Variants in EYS observed in about 807,000 individuals in gnomAD.
EYS encodes EGF-like photoreceptor maintenance factor.
EYS carries 250 observed loss-of-function variants against 282.1 expected under a neutral mutation model. The ratio of observed to expected loss-of-function variants is 0.89; its 90% CI spans 0.80 to 0.98. The LOEUF (loss-of-function observed/expected upper bound fraction) is 0.98. Ranked by LOEUF, EYS falls within the 50% of genes least tolerant of loss-of-function variation. EYS has a pLI of 0.00. For missense variants in EYS, 4,016 were observed against 3,709.0 expected (o/e 1.08, Z -2.15); for synonymous variants, 1,355 against 1,282.9 (o/e 1.06, Z -1.20).
chr6:64,868,738 T>C (rs2150052746), intron 19 of EYS, among the ~76,000 whole-genome samples: 1 of 151,666 alleles, frequency 6.6e-6, no homozygotes, highest in African/African-American at 2.4e-5. Context: ...AAACATTTTG[T>C]CATTTCATTA....
chr6:65,309,354 A>T (rs1262203100), intron 11 of EYS, among the ~76,000 whole-genome samples: 3 of 152,198 alleles, frequency 2.0e-5, no homozygotes, highest in African/African-American at 7.2e-5. Flanking sequence ...TTCAAAACCA[A>T]CACTATAGAA....
At chr6:65,314,561 G>GGT (rs4032795) in intron 11 of EYS, among the ~76,000 whole-genome samples, 8,634 of 105,786 alleles carry the variant, frequency 0.082, 328 homozygotes, top group African/African-American at 0.1. Flanking sequence ...TTCCCCTTAT[G>GGT]GTGTGTGTGT....
At chr6:65,175,811 A>G (rs1203269898) in intron 12 of EYS, among the ~76,000 whole-genome samples, 1 of 151,526 alleles carries the variant, frequency 6.6e-6, no homozygotes, top group Middle Eastern at 3.2e-3. Flanking sequence ...AACTGACTCA[A>G]TGAATATACA....
intron 22 of EYS, among the ~76,000 whole-genome samples, chr6:64,753,489 A>G (rs547425050): frequency 2.7e-5 from 4 of 148,468 alleles, no homozygotes; most frequent in African/African-American, 1.0e-4. Flanking sequence ...AATAGGCTTT[A>G]TATCAAAAAA....
At chr6:65,318,593 A>G (rs1396167524) in intron 11 of EYS, among the ~76,000 whole-genome samples, 1 of 147,264 alleles carries the variant, frequency 6.8e-6, no homozygotes, top group Non-Finnish European at 1.5e-5. Context: ...TTTTGTATAT[A>G]TAATTTATAT....
At chr6:64,094,499 G>C (rs559660593) in intron 31 of EYS, among the ~76,000 whole-genome samples, 10 of 152,004 alleles carry the variant, frequency 6.6e-5, no homozygotes, top group Non-Finnish European at 1.2e-4. Context: ...TGTATGTGTC[G>C]AGGAATTTAT....
chr6:64,190,229 C>T (rs971759836), intron 31 of EYS, among the ~76,000 whole-genome samples: 4 of 152,152 alleles, frequency 2.6e-5, no homozygotes, highest in Non-Finnish European at 5.9e-5. Flanking sequence ...ACTGTACCCT[C>T]AGGGTGAAAC....
chr6:64,781,143 G>T (rs575674413), intron 22 of EYS, among the ~76,000 whole-genome samples: 2 of 152,258 alleles, frequency 1.3e-5, no homozygotes, highest in South Asian at 4.1e-4. Flanking sequence ...AGAGTTGACA[G>T]ATTTGGCAAA....
rs761881037 is a variant in EYS, at chr6:65,295,951, T to C, written c.1935A>G (p.Glu645=). 1.9e-5 allele frequency: 29 copies of C among 1,551,068 alleles called. No individual in the cohort carries two copies. The highest frequency in any genetic ancestry group is 2.4e-5 in the Non-Finnish European group (27 of 1,146,518). ...YERNICEIDT[E]DCKSASCKNG... is the part of the protein sequence containing the mutation. Reference sequence around the variant, plus strand: ...TTTTGCAGGACGCAGATTTGCAGTCTTCAGTATCTATCTCACAGATGTTCC... The same window carrying C: ...TTTTGCAGGACGCAGATTTGCAGTCCTCAGTATCTATCTCACAGATGTTCC... Residue 645 remains glutamate, a synonymous_variant, in exon 12 of 43, where the codon GAA becomes GAG. Coordinates refer to ENST00000503581, the MANE Select transcript of EYS (RefSeq NM_001142800.2).
At chr6:64,747,133 A>G (rs968604617) in intron 22 of EYS, among the ~76,000 whole-genome samples, 8 of 152,214 alleles carry the variant, frequency 5.3e-5, no homozygotes, top group Non-Finnish European at 7.3e-5. Context: ...GTGTAAACTT[A>G]TAACTGGATG....
intron 29 of EYS, among the ~76,000 whole-genome samples, chr6:64,351,811 C>T (rs1771651134): frequency 6.6e-6 from 1 of 151,376 alleles, no homozygotes; most frequent in South Asian, 2.1e-4. Context: ...TTAAAATGGG[C>T]ATATATATGA....
At chr6:64,110,563 C>A (rs1773172884) in intron 31 of EYS, among the ~76,000 whole-genome samples, 1 of 151,928 alleles carries the variant, frequency 6.6e-6, no homozygotes, top group Non-Finnish European at 1.5e-5. Flanking sequence ...CAGGCATGAT[C>A]TATTCTGAAG....
chr6:64,745,146 A>C (rs1458093885), intron 22 of EYS, among the ~76,000 whole-genome samples: 1 of 152,182 alleles, frequency 6.6e-6, no homozygotes, highest in African/African-American at 2.4e-5. Flanking sequence ...TCTTTGAAAC[A>C]TTTCTAAAAA....
At chr6:63,935,270 A>C (rs1288588552) in intron 35 of EYS, among the ~76,000 whole-genome samples, 1 of 152,216 alleles carries the variant, frequency 6.6e-6, no homozygotes, top group African/African-American at 2.4e-5. Context: ...GCATGCTCTC[A>C]GGATTCATTA....
intron 12 of EYS, among the ~76,000 whole-genome samples, chr6:65,131,658 G>A (rs1775881885): frequency 6.6e-6 from 1 of 151,560 alleles, no homozygotes; most frequent in Non-Finnish European, 1.5e-5. Flanking sequence ...CATCACAACT[G>A]AAAGAATTAG....
intron 38 of EYS, 29 bp downstream of exon 38, chr6:63,789,029 G>A: frequency 6.5e-7 from 1 of 1,547,462 alleles, no homozygotes; most frequent in Non-Finnish European, 8.7e-7. Context: ...CTCTCAGTTT[G>A]TGGAAGTGAC....
chr6:64,344,293 A>G (rs1771274024), intron 29 of EYS, among the ~76,000 whole-genome samples: 1 of 152,104 alleles, frequency 6.6e-6, no homozygotes, highest in Non-Finnish European at 1.5e-5. Context: ...ATGAACATTG[A>G]TGCAAAAATC....
At chr6:65,059,381 T>C (rs1365466261) in intron 12 of EYS, among the ~76,000 whole-genome samples, 1 of 152,134 alleles carries the variant, frequency 6.6e-6, no homozygotes, top group Non-Finnish European at 1.5e-5. Context: ...ATGCATTTGC[T>C]ATTTAGCCTT....
intron 31 of EYS, among the ~76,000 whole-genome samples, chr6:64,132,481 G>A (rs904539784): frequency 1.3e-5 from 2 of 151,812 alleles, no homozygotes; most frequent in Non-Finnish European, 2.9e-5. Context: ...CTCTTTTCTT[G>A]CAAGAGTTCA....
Sources: gnomAD v4.1 joint callset for allele counts (sites outside exome capture counted in the v4.1 genomes callset) on GRCh38, gnomAD v4.1.1 for gene constraint, MANE v1.5 for transcripts, NCBI Gene and HGNC (gene_info 2026-07-23, HGNC 2026-07-21) for gene names.